PCNX2: variants seen among roughly 807,000 people sequenced by gnomAD.
PCNX2 encodes pecanex 2, also known as pecanex-like protein 2.
In PCNX2, 168 loss-of-function variants were observed where a neutral mutation model predicts 223.8. The ratio of observed to expected loss-of-function variants is 0.75; its 90% confidence interval spans 0.66 to 0.85. The LOEUF is 0.85. Among genes scored for constraint, PCNX2 ranks in the 40% least tolerant of loss-of-function variants. The pLI is 0.00. For missense variants in PCNX2, 2,507 were observed against 2,675.5 expected (o/e 0.94, Z 1.39); for synonymous variants, 1,006 against 1,052.6 (o/e 0.96, Z 0.86).
rs551974268 is a variant in PCNX2, at chr1:233,036,131, A to C, written c.4352-10732T>G. 1.4e-3 allele frequency among the ~76,000 whole-genome samples: 214 copies of C among 152,238 alleles called. 1 individual carries two copies. Among genetic ancestry groups the C allele is most frequent in the African/African-American group, 5.0e-3 (206 of 41,560 alleles). ...TCACCACCCTCCCTCCCTGCCCCAC[A>C]AACTTCTCCTGCAGCTTCCACGTCA... On this transcript the variant is annotated intron_variant, in intron 25 of 33. Transcript: ENST00000258229.
Position 233,258,291 on chromosome 1 carries a change from T to C in PCNX2, c.1571A>G (p.Glu524Gly). 6.2e-7 allele frequency: 1 copy of C among 1,614,042 alleles called. No homozygotes were observed. Among genetic ancestry groups the C allele is most frequent in the Non-Finnish European group, 8.5e-7 (1 of 1,179,892 alleles). ...ACTGAGCACCCGGGCATGCCTCTTTTCATGGCTGGACTTACAAGACGATGG... is the reference window on the plus strand; with the variant it reads ...ACTGAGCACCCGGGCATGCCTCTTTCCATGGCTGGACTTACAAGACGATGG... Reference protein sequence around the residue: ...LDPSSCKSSHEKRHARVLSVD... With the variant: ...LDPSSCKSSHGKRHARVLSVD... Residue 524 changes from glutamate (E) to glycine (G), a missense_variant, in exon 5 of 34, where the codon GAA becomes GGA. Transcript: ENST00000258229.
intron 8 of PCNX2, among the ~76,000 whole-genome samples, chr1:233,243,840 A>T (rs11810131): frequency 2.0e-4 from 26 of 128,614 alleles, no homozygotes; most frequent in African/African-American, 7.7e-4. Flanking sequence ...TTTATTTTTT[A>T]TTTTTTTTTG....
chr1:233,082,555 A>G (rs1222093093), intron 23 of PCNX2, among the ~76,000 whole-genome samples: 1 of 152,174 alleles, frequency 6.6e-6, no homozygotes, highest in African/African-American at 2.4e-5. Flanking sequence ...GCAAGTCAAT[A>G]TATGTAAATC....
At chr1:233,184,772 A>T (rs187064357) in intron 15 of PCNX2, among the ~76,000 whole-genome samples, 1 of 152,312 alleles carries the variant, frequency 6.6e-6, no homozygotes, top group Admixed American at 6.5e-5. Context: ...AGGGGCAGGA[A>T]GAAGGATGTT....
At chr1:233,038,923 A>G (rs1008581757) in intron 25 of PCNX2, among the ~76,000 whole-genome samples, 4 of 152,170 alleles carry the variant, frequency 2.6e-5, no homozygotes, top group African/African-American at 9.7e-5. Flanking sequence ...ATTTTTTGAT[A>G]TTTTCCAGAC....
Position 233,131,980 on chromosome 1 carries a change from A to C in PCNX2, c.3837+3033T>G, listed in dbSNP as rs1463727489. The stretch of plus-strand genomic sequence containing the variant: ...GAGATGGAGTCTCACTCTGTTGCCC[A>C]GGCTGGAGTGCAGTGGTGGGATTTC... On this transcript the variant is annotated intron_variant, in intron 21 of 33. Transcript: ENST00000258229. 5.3e-5 allele frequency among the ~76,000 whole-genome samples: 8 copies of C among 150,394 alleles called. No individual in the cohort carries two copies. In the South Asian group the frequency reaches 8.4e-4, roughly 16 times the overall value.
intron 25 of PCNX2, among the ~76,000 whole-genome samples, chr1:233,043,653 G>A (rs1158559884): frequency 3.0e-5 from 3 of 101,658 alleles, no homozygotes; most frequent in East Asian, 6.5e-4. Flanking sequence ...GAGAATATGC[G>A]GTGTTTGGTT....
the PCNX2 span, among the ~76,000 whole-genome samples, chr1:233,309,401 C>T: frequency 5.3e-5 from 8 of 151,604 alleles, no homozygotes; most frequent in South Asian, 2.1e-4. Flanking sequence ...ATCAGCTGGG[C>T]GTGGTGGCGG....
At chr1:233,127,761 T>C (rs1480087505) in intron 21 of PCNX2, among the ~76,000 whole-genome samples, 3 of 152,216 alleles carry the variant, frequency 2.0e-5, no homozygotes, top group Non-Finnish European at 4.4e-5. Flanking sequence ...ATTACATATG[T>C]TATTATGCAC....
intron 23 of PCNX2, among the ~76,000 whole-genome samples, chr1:233,062,014 C>T (rs927405736): frequency 1.3e-5 from 2 of 152,198 alleles, no homozygotes; most frequent in African/African-American, 4.8e-5. Context: ...CTGCCTCGGC[C>T]TCCCAAAGTG....
chr1:233,073,370 A>G lies in PCNX2; in HGVS notation c.4077-16080T>C, dbSNP rs377131795. Reference sequence around the variant, plus strand: ...TTATTCTGTCATTTTTCTACTCTTCATTTTCATTGATCCCTAGTCTAATCA... The same window carrying G: ...TTATTCTGTCATTTTTCTACTCTTCGTTTTCATTGATCCCTAGTCTAATCA... On this transcript the variant is annotated intron_variant, in intron 23 of 33. Transcript: ENST00000258229. Among the ~76,000 whole-genome samples the G allele has an allele frequency of 1.6e-4, 24 of 151,968 alleles. 1 individual carries two copies. The South Asian group carries it at 4.2e-3, about 26-fold the overall frequency.
chr1:233,208,287 T>C (rs1681603044), intron 13 of PCNX2, among the ~76,000 whole-genome samples: 1 of 152,234 alleles, frequency 6.6e-6, no homozygotes, highest in Admixed American at 6.5e-5. Context: ...ATGGACATTA[T>C]AGTGCTGCAA....
chr1:233,061,318 T>G (rs1672396939), intron 23 of PCNX2, among the ~76,000 whole-genome samples: 3 of 152,228 alleles, frequency 2.0e-5, no homozygotes, highest in Admixed American at 2.0e-4. Context: ...CAGCTAGGTT[T>G]GTTTTTCTGC....
At position 233,020,174 on chromosome 1, in the gene PCNX2, G is replaced by C. The variant is rs370846386; in HGVS notation, c.4606-3020C>G. Among the ~76,000 whole-genome samples the C allele has an allele frequency of 2.6e-5, 4 of 152,186 alleles. No homozygotes were observed. The East Asian group carries it at 7.7e-4, about 29-fold the overall frequency. ...CAGAGGTTAACACTTCCTCCTCTCC[G>C]TCTGGCAAAACGCTGCAGTGCTGAC... On this transcript the variant is annotated intron_variant, in intron 26 of 33. Transcript: ENST00000258229.
At chr1:233,176,321 T>A (rs931266243) in intron 17 of PCNX2, among the ~76,000 whole-genome samples, 1 of 152,174 alleles carries the variant, frequency 6.6e-6, no homozygotes, top group South Asian at 2.1e-4. Flanking sequence ...TATTTTATAG[T>A]TGTAGGATTC....
At chr1:233,276,649 G>A (rs12133184) in intron 1 of PCNX2, among the ~76,000 whole-genome samples, 28,894 of 152,092 alleles carry the variant, frequency 0.19, 2,780 homozygotes, top group South Asian at 0.25. Context: ...CAGAGAGCTC[G>A]CGATTTCCCT....
intron 20 of PCNX2, among the ~76,000 whole-genome samples, chr1:233,135,848 G>A (rs185478919): frequency 6.6e-6 from 1 of 152,244 alleles, no homozygotes; most frequent in African/African-American, 2.4e-5. Flanking sequence ...TATCATCAAT[G>A]TGTTTTTCCC....
At chr1:233,290,370 C>T (rs544457766) in intron 1 of PCNX2, among the ~76,000 whole-genome samples, 1 of 152,162 alleles carries the variant, frequency 6.6e-6, no homozygotes, top group African/African-American at 2.4e-5. Flanking sequence ...TAAGGGATCG[C>T]TAGAAGGATG....
rs138771677 is a variant in PCNX2, at chr1:233,223,160, C to T, written c.2504+4066G>A. Among the ~76,000 whole-genome samples, 14 of 152,258 alleles carry T rather than the reference C, an allele frequency of 9.2e-5. No homozygotes were observed. The East Asian group carries it at 2.5e-3, about 27-fold the overall frequency. On this transcript the variant is annotated intron_variant, in intron 10 of 33. Transcript: ENST00000258229. ...AGGCAGAAGGAAAACCAAGAGAATG[C>T]TGAGTCCTGGAAACCAAGAGAACCT...
Sources: gnomAD v4.1 joint callset for allele counts (sites outside exome capture counted in the v4.1 genomes callset) on GRCh38, gnomAD v4.1.1 for gene constraint, MANE v1.5 for transcripts, NCBI Gene and HGNC (gene_info 2026-07-23, HGNC 2026-07-21) for gene names.